Variants in ZNF44 observed in about 807,000 individuals in gnomAD.
The protein encoded by ZNF44 is zinc finger protein 44, also known as gonadotropin inducible transcription repressor-2.
A neutral mutation model predicts 11.7 loss-of-function variants in ZNF44; 9 were observed. That is an observed-to-expected ratio of 0.77 (90% CI 0.46 to 1.35). The LOEUF is 1.35. Ranked by LOEUF, ZNF44 falls within the 40% of genes most tolerant of loss-of-function variation. ZNF44 has a pLI of 0.00. For missense variants in ZNF44, 696 were observed against 743.1 expected, an observed-to-expected ratio of 0.94 and a Z score of 0.74; for synonymous variants, 224 against 242.7, an observed-to-expected ratio of 0.92 and a Z score of 0.72.
At chr19:12,235,317 C>T (rs1916340300) in intron 1 of ZNF44, among the ~76,000 whole-genome samples, 1 of 151,980 alleles carries the variant, frequency 6.6e-6, no homozygotes, top group Non-Finnish European at 1.5e-5. Flanking sequence ...TGCAGTGAGC[C>T]GAGATCGCGC....
At chr19:12,242,241 C>T (rs1055539218), upstream of ZNF44, among the ~76,000 whole-genome samples, 1 of 152,138 alleles carries the variant, frequency 6.6e-6, no homozygotes, top group Non-Finnish European at 1.5e-5. Flanking sequence ...GGTGCGGTGG[C>T]TCACGCCTGT....
chr19:12,293,225 C>T, intron 1 of ZNF44: 2 of 1,535,844 alleles, frequency 1.3e-6, no homozygotes, highest in Non-Finnish European at 1.7e-6. Context: ...CACCCCAGTG[C>T]ATCCACCTGA....
intron 3 of ZNF44, among the ~76,000 whole-genome samples, chr19:12,229,055 C>T (rs1277295138): frequency 6.6e-6 from 1 of 152,168 alleles, no homozygotes; most frequent in Non-Finnish European, 1.5e-5. Context: ...TGAAAGATCC[C>T]ACAGCTTTTA....
intron 1 of ZNF44, among the ~76,000 whole-genome samples, chr19:12,276,898 T>C (rs1347704150): frequency 1.1e-4 from 16 of 152,170 alleles, no homozygotes; most frequent in Admixed American, 9.2e-4. Flanking sequence ...CCCCTCATCA[T>C]GTAATGCCCT....
intron 1 of ZNF44, among the ~76,000 whole-genome samples, chr19:12,236,107 T>G (rs1406485047): frequency 1.3e-5 from 2 of 152,110 alleles, no homozygotes; most frequent in Non-Finnish European, 2.9e-5. Context: ...AAAGGACAAA[T>G]AGTTGATAAT....
rs762727298 is a variant in ZNF44 at position 12,275,944 on chromosome 19, T to C, written c.130+12A>G. ...TCTAATTGACCAAATGAAGACATGA[T>C]GTCATCCATACCTATACAGTTCAGG... On this transcript the variant is annotated intron_variant, in intron 2 of 3. Coordinates refer to ENST00000355684, the MANE Select transcript of ZNF44 (RefSeq NM_016264.4). 1 of 1,589,402 alleles carries C rather than the reference T, an allele frequency of 6.3e-7. No individual in the cohort carries two copies. Among genetic ancestry groups the C allele is most frequent in the Non-Finnish European group, 8.6e-7 (1 of 1,165,616 alleles).
downstream of ZNF44, among the ~76,000 whole-genome samples, chr19:12,267,782 G>A (rs1246904836): frequency 1.3e-5 from 2 of 151,512 alleles, no homozygotes; most frequent in Admixed American, 6.6e-5. Context: ...CCTTCTTCTA[G>A]GAGACAACCC....
At position 12,283,621 on chromosome 19, in the gene ZNF44, G is replaced by T. The variant is rs183269423; in HGVS notation, c.4-7539C>A. ...TGGGATTACAGGCATAAGCCACCAC[G>T]CCCAGCCAGAAAAAATGTTTTTCTT... is the stretch of plus-strand genomic sequence containing the variant. On this transcript the variant is annotated intron_variant, in intron 1 of 3. Transcript: ENST00000355684. 5.8e-3 allele frequency among the ~76,000 whole-genome samples: 884 copies of T among 152,264 alleles called. 6 individuals are homozygous for T. Among genetic ancestry groups the T allele is most frequent in the Middle Eastern group, 0.01 (3 of 294 alleles).
chr19:12,284,621 G>T, intron 1 of ZNF44: 1 of 740,400 alleles, frequency 1.4e-6, no homozygotes, highest in Non-Finnish European at 2.4e-6. Context: ...TCAAGGACGA[G>T]GTTTTGATTA....
chr19:12,277,194 G>A (rs1365415487), intron 1 of ZNF44, among the ~76,000 whole-genome samples: 2 of 152,242 alleles, frequency 1.3e-5, no homozygotes, highest in Non-Finnish European at 2.9e-5. Flanking sequence ...TTACTTGGGG[G>A]ATTTAGCCTA....
intron 5 of ZNF44, among the ~76,000 whole-genome samples, chr19:12,261,363 G>T (rs1917498678): frequency 6.6e-6 from 1 of 152,234 alleles, no homozygotes; most frequent in African/African-American, 2.4e-5. Flanking sequence ...TAGTGGCTCT[G>T]GTGGCTCACG....
At chr19:12,247,236 C>T (rs769981189), downstream of ZNF44, 6 of 1,131,944 alleles carry the variant, frequency 5.3e-6, no homozygotes, top group East Asian at 1.2e-4. Flanking sequence ...CTTTGAAAAT[C>T]GTTAAAATTG....
chr19:12,252,878 C>CTTT (rs753388314), intron 5 of ZNF44, among the ~76,000 whole-genome samples: 923 of 78,768 alleles, frequency 0.012, 14 homozygotes, highest in Non-Finnish European at 0.013. Flanking sequence ...CTACAAGAAA[C>CTTT]TTTTTTTTTT....
intron 5 of ZNF44, among the ~76,000 whole-genome samples, chr19:12,257,857 GC>G (rs954966725): frequency 1.3e-4 from 20 of 149,972 alleles, no homozygotes; most frequent in African/African-American, 4.9e-4. Context: ...TGTAATCCCA[GC>G]TACTCGGGAG....
downstream of ZNF44, chr19:12,244,691 C>T (rs1047138): frequency 0.31 from 47,043 of 152,380 alleles, 7,887 homozygotes; most frequent in African/African-American, 0.45. Flanking sequence ...AAAACAGACT[C>T]CAAACTTTAA....
chr19:12,230,082 A>G (rs1277409351), intron 3 of ZNF44, among the ~76,000 whole-genome samples: 2 of 152,140 alleles, frequency 1.3e-5, no homozygotes, highest in Non-Finnish European at 2.9e-5. Flanking sequence ...TAAAGGTGCC[A>G]TTTTTGGGCC....
chr19:12,240,269 C>A (rs1170940641), upstream of ZNF44, among the ~76,000 whole-genome samples: 2 of 151,860 alleles, frequency 1.3e-5, no homozygotes, highest in South Asian at 4.2e-4. Context: ...CACGGTGAAA[C>A]CCCGTCTCTA....
rs1968184747 is a variant in ZNF44 at position 12,294,863 on chromosome 19, T to G, written c.-169A>C. On this transcript the variant is annotated 5_prime_UTR_variant, in exon 1 of 4. Coordinates refer to ENST00000355684, the MANE Select transcript of ZNF44 (RefSeq NM_016264.4). ...GCTCCTGGAACGTCACACCCTCCTCTCTGCCTCGCGCCTGATTGACAATTC... is the reference window on the plus strand; with the variant it reads ...GCTCCTGGAACGTCACACCCTCCTCGCTGCCTCGCGCCTGATTGACAATTC... The G allele has an allele frequency of 1.7e-5, 12 of 719,364 alleles. No homozygotes were observed. Among genetic ancestry groups the G allele is most frequent in the South Asian group, 8.5e-5 (4 of 47,238 alleles). 44.6% of individuals were successfully genotyped at this position (719,364 alleles called of 1,614,324 possible). A position where few individuals can be genotyped will look rare whatever the true frequency, so the allele number is the denominator to read the frequency against.
chr19:12,272,283 G>C lies in ZNF44; in HGVS notation c.*124C>G. ...CTCTCAAAGTGCTGGGATTACAGGT[G>C]TGAGCCGCTGCGCCCAGCCTGGAAA... On this transcript the variant is annotated 3_prime_UTR_variant, in exon 4 of 4. Coordinates refer to ENST00000355684, the MANE Select transcript of ZNF44 (RefSeq NM_016264.4). The C allele has an allele frequency of 7.3e-7, 1 of 1,368,554 alleles. No homozygotes were observed. Among genetic ancestry groups the C allele is most frequent in the South Asian group, 2.0e-5 (1 of 51,114 alleles). 84.8% of individuals were successfully genotyped at this position (1,368,554 alleles called of 1,614,324 possible).
Sources: allele counts gnomAD v4.1 joint callset (sites outside exome capture counted in the v4.1 genomes callset), GRCh38; gene constraint gnomAD v4.1.1; transcripts MANE v1.5; gene names NCBI Gene and HGNC (gene_info 2026-07-23, HGNC 2026-07-21).